Variants in FERRY3 observed in about 807,000 individuals in gnomAD.
The protein encoded by FERRY3 is FERRY endosomal RAB5 effector complex subunit 3, also known as protein C12orf4.
At chr12:4,510,004 T>A in the FERRY3 span, among the ~76,000 whole-genome samples, 1 of 136,560 alleles carries the variant, frequency 7.3e-6, no homozygotes, top group Non-Finnish European at 1.5e-5. Flanking sequence ...TGAAAAAAAT[T>A]TAGAAGAATG....
At chr12:4,528,043 C>CTAGA in the FERRY3 span, among the ~76,000 whole-genome samples, 2 of 151,994 alleles carry the variant, frequency 1.3e-5, no homozygotes, top group African/African-American at 4.8e-5. Flanking sequence ...CTATTAATGG[C>CTAGA]TAGATATATA....
the FERRY3 span, among the ~76,000 whole-genome samples, chr12:4,496,757 G>A: frequency 6.6e-6 from 1 of 152,092 alleles, no homozygotes; most frequent in Non-Finnish European, 1.5e-5. Flanking sequence ...TGTATGTCTT[G>A]GAATTCAGAT....
chr12:4,490,653 A>G, the FERRY3 span: 3 of 1,260,142 alleles, frequency 2.4e-6, no homozygotes, highest in East Asian at 7.1e-5. Flanking sequence ...CCAGTCACTT[A>G]CTGAAATTAA....
the FERRY3 span, chr12:4,488,114 G>A: frequency 6.6e-6 from 1 of 152,136 alleles, no homozygotes; most frequent in Non-Finnish European, 1.5e-5. The surrounding 1 kb of genome is among the most constrained non-coding windows in gnomAD (Gnocchi z 4.9). Flanking sequence ...TAACACAGTT[G>A]CATGTGGAAA....
chr12:4,523,890 A>G, the FERRY3 span, among the ~76,000 whole-genome samples: 1 of 152,188 alleles, frequency 6.6e-6, no homozygotes, highest in Non-Finnish European at 1.5e-5. Context: ...GCACACCAAC[A>G]TGGTGCATGT....
chr12:4,530,195 T>G, the FERRY3 span: 4 of 697,354 alleles, frequency 5.7e-6, no homozygotes, highest in Non-Finnish European at 6.8e-6. Flanking sequence ...AATATATGTG[T>G]GTGTATTATA....
At chr12:4,527,960 A>G in the FERRY3 span, among the ~76,000 whole-genome samples, 4 of 152,180 alleles carry the variant, frequency 2.6e-5, no homozygotes, top group Non-Finnish European at 5.9e-5. Flanking sequence ...TAGCACGTTA[A>G]TTGAACTTCC....
the FERRY3 span, among the ~76,000 whole-genome samples, chr12:4,528,931 AC>A: frequency 1.4e-5 from 2 of 147,996 alleles, no homozygotes; most frequent in African/African-American, 5.2e-5. Context: ...ACACACACAC[AC>A]ACACACAAAC....
chr12:4,524,723 A>AG, the FERRY3 span, among the ~76,000 whole-genome samples: 3 of 152,190 alleles, frequency 2.0e-5, no homozygotes, highest in African/African-American at 4.8e-5. Context: ...TCAAGCTCTA[A>AG]GGGAATATGT....
At chr12:4,534,088 C>A in the FERRY3 span, 1 of 1,459,382 alleles carries the variant, frequency 6.9e-7, no homozygotes, top group Non-Finnish European at 9.2e-7. Context: ...AGGATTACCA[C>A]AGCATTTTAA....
the FERRY3 span, chr12:4,518,039 G>A: frequency 1.3e-6 from 2 of 1,573,222 alleles, no homozygotes; most frequent in East Asian, 4.5e-5. Flanking sequence ...CAAAATAAAT[G>A]TGTATGATGT....
chr12:4,506,891 T>C, the FERRY3 span, among the ~76,000 whole-genome samples: 1 of 152,158 alleles, frequency 6.6e-6, no homozygotes, highest in African/African-American at 2.4e-5. Context: ...CATGTAGGCG[T>C]GCACAGAAAA....
chr12:4,498,356 T>A, the FERRY3 span, among the ~76,000 whole-genome samples: 1 of 152,316 alleles, frequency 6.6e-6, no homozygotes, highest in African/African-American at 2.4e-5. Flanking sequence ...ATAGATAGAC[T>A]AGTTAGTGAT....
the FERRY3 span, chr12:4,536,261 T>G: frequency 1.8e-6 from 2 of 1,089,506 alleles, no homozygotes; most frequent in South Asian, 4.1e-5. Flanking sequence ...AAAGAAATTA[T>G]GTTTCATTAT....
At chr12:4,526,389 G>A in the FERRY3 span, among the ~76,000 whole-genome samples, 1 of 152,106 alleles carries the variant, frequency 6.6e-6, no homozygotes, top group Non-Finnish European at 1.5e-5. Context: ...TAATAAATAA[G>A]TTCACTTAAA....
At chr12:4,506,883 T>C in the FERRY3 span, among the ~76,000 whole-genome samples, 1 of 152,152 alleles carries the variant, frequency 6.6e-6, no homozygotes, top group Non-Finnish European at 1.5e-5. Flanking sequence ...AGAACACACA[T>C]GTAGGCGTGC....
the FERRY3 span, chr12:4,538,292 A>C: frequency 6.5e-6 from 1 of 153,038 alleles, no homozygotes; most frequent in Non-Finnish European, 1.5e-5. Flanking sequence ...GGCTCACATT[A>C]ATCAGGGAAA....
At chr12:4,523,838 T>C in the FERRY3 span, among the ~76,000 whole-genome samples, 3 of 152,094 alleles carry the variant, frequency 2.0e-5, no homozygotes, top group African/African-American at 7.2e-5. Context: ...AGGGATAGCA[T>C]TAGGAGATAC....
the FERRY3 span, among the ~76,000 whole-genome samples, chr12:4,492,150 C>T: frequency 8.6e-5 from 13 of 151,828 alleles, no homozygotes; most frequent in Non-Finnish European, 1.9e-4. Flanking sequence ...ACTAAGAAAA[C>T]ATTAATTTAA....
Sources: allele counts gnomAD v4.1 joint callset (sites outside exome capture counted in the v4.1 genomes callset), GRCh38; gene constraint gnomAD v4.1.1; non-coding constraint Gnocchi (gnomAD v3.1); transcripts MANE v1.5; gene names NCBI Gene and HGNC (gene_info 2026-07-23, HGNC 2026-07-21).